Variants in DCAF1 observed in about 807,000 individuals in gnomAD.
DCAF1 encodes the protein DDB1- and CUL4-associated factor 1.
A neutral mutation model predicts 128.0 loss-of-function variants in DCAF1; 15 were observed. The ratio of observed to expected loss-of-function variants is 0.12; its 90% CI spans 0.08 to 0.18. The LOEUF is 0.18. Among genes scored for constraint, DCAF1 ranks in the 10% least tolerant of loss-of-function variants. DCAF1 has a pLI of 1.00. For synonymous variants in DCAF1, 610 were observed against 603.0 expected, an observed-to-expected ratio of 1.01 and a Z score of -0.17; for missense variants, 988 against 1,649.5, an observed-to-expected ratio of 0.60 and a Z score of 6.95.
chr3:51,493,996 CAAA>C (rs782802686), intron 2 of DCAF1, among the ~76,000 whole-genome samples: 1 of 74,190 alleles, frequency 1.3e-5, no homozygotes, highest in Non-Finnish European at 2.8e-5. Context: ...GATTCCGTCT[CAAA>C]AAAAAAAAAA....
At chr3:51,484,477 A>G (rs1178159457) in intron 2 of DCAF1, among the ~76,000 whole-genome samples, 1 of 151,904 alleles carries the variant, frequency 6.6e-6, no homozygotes, top group Non-Finnish European at 1.5e-5. Context: ...CGTCTCAAAA[A>G]GAAAAAAAAA....
At chr3:51,479,491 A>T (rs1705893748) in intron 3 of DCAF1, among the ~76,000 whole-genome samples, 1 of 151,906 alleles carries the variant, frequency 6.6e-6, no homozygotes, top group African/African-American at 2.4e-5. Context: ...CAACAGAGGG[A>T]AATCCTGTCT....
At chr3:51,484,359 G>C (rs146454869) in intron 2 of DCAF1, among the ~76,000 whole-genome samples, 57 of 152,082 alleles carry the variant, frequency 3.7e-4, no homozygotes, top group African/African-American at 1.3e-3. Context: ...TGTAATCCCA[G>C]CTACTTGGGA....
At chr3:51,474,710 T>C (rs1445551161) in intron 3 of DCAF1, among the ~76,000 whole-genome samples, 2 of 151,568 alleles carry the variant, frequency 1.3e-5, no homozygotes, top group African/African-American at 2.4e-5. Context: ...AGCCTCAAAC[T>C]TCTGAGCTCA....
rs1553635216 is a variant in DCAF1 at position 51,430,180 on chromosome 3, A to G, written c.1320T>C (p.Asp440=). Residue 440 remains aspartate, a synonymous_variant, in exon 11 of 25, where the codon GAT becomes GAC. Coordinates refer to ENST00000684031, the MANE Select transcript of DCAF1 (RefSeq NM_001387579.1). ...VCMHPHNVLS[D]VVNYTLWLME... is the part of the protein sequence containing the mutation. ...TTAACCACAGGGTATAGTTCACCAC[A>G]TCAGACAGAACATTGTGGGGATGCA... 1.3e-6 allele frequency: 1 copy of G among 780,812 alleles called. No individual in the cohort carries two copies. The highest frequency in any genetic ancestry group is 2.4e-6 in the Non-Finnish European group (1 of 417,920). The allele number at this position is 780,812 out of a possible 1,614,324, so 48.4% of individuals were successfully genotyped here.
chr3:51,458,323 T>A (rs1380683623), intron 6 of DCAF1, among the ~76,000 whole-genome samples: 2 of 152,106 alleles, frequency 1.3e-5, no homozygotes, highest in African/African-American at 4.8e-5. Flanking sequence ...AAAAAGGCCA[T>A]TACATAATGG....
Position 51,444,806 on chromosome 3 carries a change from G to C in DCAF1, c.376-903C>G, listed in dbSNP as rs901385357. ...TTCTCCTGCCTTAGCCTCCCGAGTA[G>C]CTGGGACTACAGGCACCCGCCACCA... On this transcript the variant is annotated intron_variant, in intron 6 of 24. Transcript: ENST00000684031. Among the ~76,000 whole-genome samples, 4 of 151,840 alleles carry C rather than the reference G, an allele frequency of 2.6e-5. No homozygotes were observed. In the East Asian group the frequency reaches 7.7e-4, roughly 29 times the overall value.
Position 51,429,250 on chromosome 3 carries a change from G to A in DCAF1, c.1677+11C>T. ...AACAGAACTTTCCCTTTCAAGGCAA[G>A]GTCCTCTCACCTTGTACGGGGGTTG... On this transcript the variant is annotated intron_variant, in intron 12 of 24. Coordinates refer to ENST00000684031, the MANE Select transcript of DCAF1 (RefSeq NM_001387579.1). 2 of 765,714 alleles carry A rather than the reference G, an allele frequency of 2.6e-6. No homozygotes were observed. The highest frequency in any genetic ancestry group is 1.4e-5 in the South Asian group (1 of 72,578). The allele number at this position is 765,714 out of a possible 1,614,324, so 47.4% of individuals were successfully genotyped here. A position where few individuals can be genotyped will look rare whatever the true frequency, so the allele number is the denominator to read the frequency against.
intron 2 of DCAF1, among the ~76,000 whole-genome samples, chr3:51,488,178 A>C (rs1553656305): frequency 6.6e-6 from 1 of 152,104 alleles, no homozygotes; most frequent in South Asian, 2.1e-4. Flanking sequence ...CAAACATTTA[A>C]AGAAGAATTA....
chr3:51,483,609 T>TTGTGTGTG (rs57475291), intron 3 of DCAF1, 110 bp downstream of exon 3: 24,924 of 474,198 alleles, frequency 0.053, 479 homozygotes, highest in African/African-American at 0.079. Flanking sequence ...TTAAACTAGT[T>TTGTGTGTG]TGTGTGTGTG....
intron 11 of DCAF1, 119 bp from the exon 12 acceptor site, chr3:51,429,589 C>T (rs1433611902): frequency 1.6e-6 from 1 of 642,478 alleles, no homozygotes; most frequent in African/African-American, 1.8e-5. Context: ...ACATATTCTG[C>T]TTATGTATCA....
chr3:51,430,007 G>C (rs1553635140), intron 11 of DCAF1, 26 bp downstream of exon 11: 3 of 778,872 alleles, frequency 3.9e-6, no homozygotes, highest in Non-Finnish European at 7.2e-6. Context: ...TCAATCCTAG[G>C]GAGAAAAGCA....
At position 51,419,748 on chromosome 3, in the gene DCAF1, G is replaced by A. The variant is rs375850780; in HGVS notation, c.3222C>T (p.His1074=). ...CCTCTTCTTACCTGCTAAAGATAAG[G>A]TGCCTATCAAAGCATCCGCCATCCA... The part of the protein sequence containing the change: ...GGVDGGCFDR[H]LIFSRFRPIS... The change falls in exon 15 of 25, where the codon CAC becomes CAT. Residue 1074 remains histidine, a synonymous_variant. Transcript: ENST00000684031. 2.5e-6 allele frequency: 4 copies of A among 1,611,418 alleles called. No individual in the cohort carries two copies. Among genetic ancestry groups the A allele is most frequent in the African/African-American group, 2.7e-5 (2 of 74,814 alleles).
chr3:51,422,899 T>TA (rs1188830240), intron 13 of DCAF1, among the ~76,000 whole-genome samples: 82 of 147,096 alleles, frequency 5.6e-4, no homozygotes, highest in Middle Eastern at 3.5e-3. Context: ...TCTTTTTCTA[T>TA]AAAAAAAAAA....
intron 2 of DCAF1, among the ~76,000 whole-genome samples, chr3:51,495,862 T>C (rs1221113761): frequency 2.0e-5 from 3 of 152,146 alleles, no homozygotes; most frequent in African/African-American, 7.2e-5. Flanking sequence ...CTTGGCTCAC[T>C]GCAACCTGTA....
At chr3:51,492,651 A>C (rs1028157457) in intron 2 of DCAF1, among the ~76,000 whole-genome samples, 2 of 152,210 alleles carry the variant, frequency 1.3e-5, no homozygotes, top group African/African-American at 4.8e-5. Context: ...AGAAAATATA[A>C]GCATTAGCAA....
At chr3:51,435,039 C>T (rs1700690711) in intron 9 of DCAF1, among the ~76,000 whole-genome samples, 1 of 152,196 alleles carries the variant, frequency 6.6e-6, no homozygotes, top group South Asian at 2.1e-4. Flanking sequence ...GGGATGTGCC[C>T]TCTTCAAAAG....
intron 6 of DCAF1, among the ~76,000 whole-genome samples, chr3:51,454,295 T>C (rs1398776723): frequency 6.6e-6 from 1 of 152,166 alleles, no homozygotes; most frequent in Non-Finnish European, 1.5e-5. Context: ...GCACTCCTCC[T>C]GCCTTAGCCT....
intron 5 of DCAF1, 72 bp downstream of exon 5, chr3:51,466,731 T>G: frequency 6.6e-7 from 1 of 1,514,300 alleles, no homozygotes. Context: ...AGGCAAACTA[T>G]TCACGAAAAA....
Sources: gnomAD v4.1 joint callset for allele counts (sites outside exome capture counted in the v4.1 genomes callset) on GRCh38, gnomAD v4.1.1 for gene constraint, MANE v1.5 for transcripts, NCBI Gene and HGNC (gene_info 2026-07-23, HGNC 2026-07-21) for gene names.